The following SETD1B variants were observed in gnomAD, a reference collection of about 807,000 sequenced individuals.
SETD1B encodes the protein SET domain containing 1B, histone lysine methyltransferase.
In SETD1B, 7 loss-of-function variants were observed where a neutral mutation model predicts 148.0. The observed-to-expected ratio is 0.05, with a 90% CI of 0.03 to 0.09. The LOEUF is 0.09. Ranked by LOEUF, SETD1B falls within the 10% of genes least tolerant of loss-of-function variation. The pLI is 1.00. For synonymous variants in SETD1B, 1,361 were observed against 1,186.5 expected (o/e 1.15, Z -3.02); for missense variants, 2,155 against 2,729.9 (o/e 0.79, Z 4.69).
upstream of SETD1B, chr12:121,799,071 A>T (rs187648868): frequency 6.6e-6 from 1 of 152,362 alleles, no homozygotes; most frequent in Non-Finnish European, 1.5e-5. Flanking sequence ...AACCCACTGA[A>T]TCAGACACTT....
intron 16 of SETD1B, among the ~76,000 whole-genome samples, chr12:121,828,756 T>C (rs910550430): frequency 2.6e-5 from 4 of 152,216 alleles, no homozygotes; most frequent in African/African-American, 9.6e-5. Flanking sequence ...ACTTAATGTC[T>C]CTTATGCCTG....
chr12:121,792,141 T>C, the SETD1B span, among the ~76,000 whole-genome samples: 4 of 133,118 alleles, frequency 3.0e-5, no homozygotes, highest in South Asian at 1.1e-3. Flanking sequence ...TCGGGTCCTC[T>C]CCAAGGTCTA....
Position 121,810,487 on chromosome 12 carries a change from G to C in SETD1B, c.1542G>C (p.Leu514=). Residue 514 remains leucine, a synonymous_variant, in exon 6 of 17, where the codon CTG becomes CTC. Coordinates refer to ENST00000604567, the MANE Select transcript of SETD1B (RefSeq NM_001353345.2). This position sits in a 1 kb window ranked among gnomAD's most constrained non-coding sequence, Gnocchi z 7.6. ...TGCTGAAGGAGCAGCGCACCAAGCT[G>C]CTCTTCCTGAGGGAGCCGGACTCGG... ...EMLLKEQRTK[L]LFLREPDSDT... is the part of the protein sequence containing the mutation. The C allele has an allele frequency of 6.5e-7, 1 of 1,547,506 alleles. No homozygotes were observed. The highest frequency in any genetic ancestry group is 8.7e-7 in the Non-Finnish European group (1 of 1,147,062).
rs1030099034 is a variant in SETD1B, at chr12:121,810,799, T to G, written c.1854T>G (p.Val618=). The change falls in exon 6 of 17, where the codon GTT becomes GTG. Residue 618 remains valine (V), a synonymous_variant. Coordinates refer to ENST00000604567, the MANE Select transcript of SETD1B (RefSeq NM_001353345.2). The surrounding 1 kb of genome is among the most constrained non-coding windows in gnomAD (Gnocchi z 7.6). ...CAGCTGAGGTGGCCTTGGACCTGGT[T>G]GGAGACAGAACCCCGACCTCAGAGA... ...SQTAEVALDL[V]GDRTPTSEKM... 19 of 1,531,716 alleles carry G rather than the reference T, an allele frequency of 1.2e-5. No individual in the cohort carries two copies. In the African/African-American group the frequency reaches 2.5e-4, roughly 20 times the overall value. 94.9% of individuals were successfully genotyped at this position (1,531,716 alleles called of 1,614,324 possible).
chr12:121,796,223 C>G, the SETD1B span: 1 of 152,712 alleles, frequency 6.5e-6, no homozygotes, highest in Non-Finnish European at 1.5e-5. Context: ...GTCACTCCCC[C>G]TTCCAGTCAC....
chr12:121,805,278 C>A lies in SETD1B; in HGVS notation c.273+62C>A. The stretch of plus-strand genomic sequence containing the variant: ...CACCTCCCCGAGTTCGAAAATAACG[C>A]CAGTCCTGACCGAGCCCAGCCGGAT... On this transcript the variant is annotated intron_variant, in intron 3 of 16. Coordinates refer to ENST00000604567, the MANE Select transcript of SETD1B (RefSeq NM_001353345.2). This position sits in a 1 kb window ranked among gnomAD's most constrained non-coding sequence, Gnocchi z 4.2. 2 of 1,329,896 alleles carry A rather than the reference C, an allele frequency of 1.5e-6. No homozygotes were observed. The highest frequency in any genetic ancestry group is 1.3e-5 in the South Asian group (1 of 78,680). The allele number at this position is 1,329,896 out of a possible 1,614,324, so 82.4% of individuals were successfully genotyped here.
Position 121,806,099 on chromosome 12 carries a change from A to C in SETD1B, c.538A>C (p.Thr180Pro). ...CAACATTATCCACGTGGAGCTGGAC[A>C]CCAAAGGTGAGCCTGGCAGGGGAGG... The part of the protein sequence containing the change: ...MGNIIHVELD[T>P]KGETRMRFYE... The change falls in exon 4 of 17, where the codon ACC (threonine) becomes CCC (proline). Residue 180 changes from threonine (T) to proline (P), a missense_variant. Thr to Pro is a conservative substitution (Grantham distance 38). Around this residue, in one of 11 missense-constraint regions of SETD1B, gnomAD observed 124 missense variants for 282.9 expected, o/e 0.44. Transcript: ENST00000604567. 1 of 1,551,036 alleles carries C rather than the reference A, an allele frequency of 6.4e-7. No homozygotes were observed. The highest frequency in any genetic ancestry group is 8.7e-7 in the Non-Finnish European group (1 of 1,146,530).
At chr12:121,799,716 C>CT (rs2137526901), upstream of SETD1B, 1 of 1,036 alleles carries the variant, frequency 9.7e-4, no homozygotes, top group Admixed American at 0.013. Flanking sequence ...GCGCTCGCAG[C>CT]TGGGGGGGGG....
the SETD1B span, chr12:121,793,552 C>T: frequency 6.5e-7 from 1 of 1,548,654 alleles, no homozygotes; most frequent in Non-Finnish European, 8.7e-7. Flanking sequence ...CCGCAGCCGC[C>T]GTCGCCCACG....
At chr12:121,812,554 G>T (rs1220859352) in intron 6 of SETD1B, among the ~76,000 whole-genome samples, 4 of 152,086 alleles carry the variant, frequency 2.6e-5, no homozygotes, top group Non-Finnish European at 5.9e-5. Flanking sequence ...GGCAGAGGGA[G>T]GGGCAGGGCC....
Position 121,819,885 on chromosome 12 carries a change from G to A in SETD1B, c.3900G>A (p.Glu1300=), listed in dbSNP as rs1876486442. The change falls in exon 11 of 17, where the codon GAG becomes GAA. Residue 1300 remains glutamate (E), a synonymous_variant. Transcript: ENST00000604567. ...EVEARPPLSP[E]RAPEHDLEVE... is the part of the protein sequence containing the mutation. ...AGGCTCGACCCCCATTGTCCCCTGA[G>A]CGAGCTCCAGGTAACACCTGCAACC... The A allele has an allele frequency of 2.6e-6, 4 of 1,550,284 alleles. No homozygotes were observed. The South Asian group carries it at 4.8e-5, about 18-fold the overall frequency.
In SETD1B at chr12:121,814,243, C is replaced by T; in HGVS notation, c.2028C>T (p.Ala676=). The T allele has an allele frequency of 6.6e-7, 1 of 1,516,632 alleles. No individual in the cohort carries two copies. The highest frequency in any genetic ancestry group is 8.8e-7 in the Non-Finnish European group (1 of 1,134,228). The allele number at this position is 1,516,632 out of a possible 1,614,324, so 93.9% of individuals were successfully genotyped here. A position where few individuals can be genotyped will look rare whatever the true frequency, so the allele number is the denominator to read the frequency against. ...AAAVAAPSVL[A]PTLPLPPPPG... is the part of the protein sequence containing the mutation. Reference sequence around the variant, plus strand: ...CCGTGGCAGCCCCTTCTGTGCTAGCCCCAACCCTGCCGCTGCCCCCGCCAC... The same window carrying T: ...CCGTGGCAGCCCCTTCTGTGCTAGCTCCAACCCTGCCGCTGCCCCCGCCAC... Residue 676 remains alanine (A), a synonymous_variant, in exon 7 of 17, where the codon GCC becomes GCT. Transcript: ENST00000604567.
chr12:121,800,715 C>T (rs1425030093), upstream of SETD1B: 4 of 148,134 alleles, frequency 2.7e-5, no homozygotes, highest in Admixed American at 6.7e-5. Flanking sequence ...AAATGGCGCC[C>T]ATCAGGCCGC....
rs1275408729 is a variant in SETD1B, at chr12:121,808,641, G to A, written c.657+321G>A. On this transcript the variant is annotated intron_variant, in intron 5 of 16. Coordinates refer to ENST00000604567, the MANE Select transcript of SETD1B (RefSeq NM_001353345.2). This position sits in a 1 kb window ranked among gnomAD's most constrained non-coding sequence, Gnocchi z 5.3. Reference sequence around the variant, plus strand: ...CCCTGGCCCGCTTTTCCACGTTGATGCCAAACATTGCTGTTTCCGGGGTCC... The same window carrying A: ...CCCTGGCCCGCTTTTCCACGTTGATACCAAACATTGCTGTTTCCGGGGTCC... 6.6e-6 allele frequency among the ~76,000 whole-genome samples: 1 copy of A among 152,228 alleles called. No homozygotes were observed. Among genetic ancestry groups the A allele is most frequent in the East Asian group, 1.9e-4 (1 of 5,206 alleles).
intron 13 of SETD1B, among the ~76,000 whole-genome samples, chr12:121,826,217 T>G (rs898072342): frequency 6.6e-6 from 1 of 152,120 alleles, no homozygotes; most frequent in Admixed American, 6.6e-5. Flanking sequence ...AGCTGGAATT[T>G]ATATTTTAAT....
At position 121,817,631 on chromosome 12, in the gene SETD1B, C is replaced by CGGAGGAGGA. The variant is rs71079098; in HGVS notation, c.3252_3260dup (p.Glu1085_Glu1087dup). ...GAGAGCACCGAGGAGGAAGAGGAGG[C>CGGAGGAGGA]GGAGGAGGAGGAGGAGGAGGAAGTC... On this transcript the variant is annotated inframe_insertion, in exon 9 of 17. Transcript: ENST00000604567. The surrounding 1 kb of genome is among the most constrained non-coding windows in gnomAD (Gnocchi z 8.1). 6.5e-7 allele frequency: 1 copy of CGGAGGAGGA among 1,548,554 alleles called. No individual in the cohort carries two copies. Among genetic ancestry groups the CGGAGGAGGA allele is most frequent in the Non-Finnish European group, 8.7e-7 (1 of 1,144,912 alleles).
intron 6 of SETD1B, among the ~76,000 whole-genome samples, chr12:121,811,690 T>C (rs1270693444): frequency 6.6e-6 from 1 of 152,056 alleles, no homozygotes; most frequent in Non-Finnish European, 1.5e-5. Context: ...GTCAGGGGCT[T>C]AGACAGAGCT....
At chr12:121,821,448 A>G (rs1254426349) in intron 11 of SETD1B, among the ~76,000 whole-genome samples, 7 of 151,018 alleles carry the variant, frequency 4.6e-5, no homozygotes, top group South Asian at 2.1e-4. Context: ...AAAAAAAAAA[A>G]AAAGAAAGAA....
chr12:121,829,779 G>C (rs1877006240), intron 16 of SETD1B, among the ~76,000 whole-genome samples: 1 of 152,200 alleles, frequency 6.6e-6, no homozygotes, highest in African/African-American at 2.4e-5. Context: ...TTTTTTTAGA[G>C]CTCAGAAGTG....
Sources: allele counts gnomAD v4.1 joint callset (sites outside exome capture counted in the v4.1 genomes callset), GRCh38; gene constraint gnomAD v4.1.1; regional missense constraint gnomAD v4.1.1; non-coding constraint Gnocchi (gnomAD v3.1); transcripts MANE v1.5; gene names NCBI Gene and HGNC (gene_info 2026-07-23, HGNC 2026-07-21).